ZNF516: variants seen among roughly 807,000 people sequenced by gnomAD.
The protein encoded by ZNF516 is zinc finger protein 516.
Under a neutral mutation model 79.7 loss-of-function variants are expected in ZNF516, and 19 were observed. That is an observed-to-expected ratio of 0.24 (90% CI 0.17 to 0.35). The LOEUF (loss-of-function observed/expected upper bound fraction) is 0.35, where lower values mean the gene tolerates loss of function less well. ZNF516 is among the 10% of genes least tolerant of loss of function. The pLI is 1.00. For missense variants in ZNF516, 1,678 were observed against 1,679.5 expected (o/e 1.00, Z 0.02); for synonymous variants, 877 against 739.5 (o/e 1.19, Z -3.02).
In ZNF516 at chr18:76,459,862, A is replaced by G. The variant is rs1033521455; in HGVS notation, c.-158+3166T>C. 1.3e-5 allele frequency among the ~76,000 whole-genome samples: 2 copies of G among 152,160 alleles called. No homozygotes were observed. Among genetic ancestry groups the G allele is most frequent in the Admixed American group, 6.5e-5 (1 of 15,276 alleles). ...GGCGATCCGGCAGGCACAAGAAGGA[A>G]CATACTGATGATAAGGAAACGCCGG... On this transcript the variant is annotated intron_variant, in intron 2 of 6. Coordinates refer to ENST00000443185, the MANE Select transcript of ZNF516 (RefSeq NM_014643.4). The surrounding 1 kb of genome is among the most constrained non-coding windows in gnomAD (Gnocchi z 5.0).
chr18:76,427,087 G>A (rs970127811), intron 3 of ZNF516, among the ~76,000 whole-genome samples: 2 of 152,328 alleles, frequency 1.3e-5, no homozygotes, highest in South Asian at 4.1e-4. Context: ...GAGAGAACGG[G>A]CACAATGCCG....
intron 3 of ZNF516, 34 bp from the exon 4 acceptor site, chr18:76,380,337 C>T (rs781283783): frequency 1.4e-5 from 23 of 1,599,394 alleles, no homozygotes; most frequent in Non-Finnish European, 2.0e-5. Context: ...GGGAAGTTAC[C>T]ATTTCTCATC....
chr18:76,463,536 T>G (rs1271824890), intron 1 of ZNF516, among the ~76,000 whole-genome samples: 3 of 152,256 alleles, frequency 2.0e-5, no homozygotes, highest in East Asian at 3.8e-4. Context: ...CTGCGCTTGG[T>G]GTGCGCATCA....
chr18:76,492,067 C>A (rs1486497956), intron 1 of ZNF516: 1 of 757,990 alleles, frequency 1.3e-6, no homozygotes, highest in Non-Finnish European at 1.6e-6. Context: ...CACACCCGCG[C>A]ATGGACGAGG....
intron 3 of ZNF516, among the ~76,000 whole-genome samples, chr18:76,408,062 G>T (rs1013947135): frequency 6.6e-6 from 1 of 152,172 alleles, no homozygotes; most frequent in Non-Finnish European, 1.5e-5. Flanking sequence ...GGACCAGAAG[G>T]CTTTTTCCCA....
intron 3 of ZNF516, among the ~76,000 whole-genome samples, chr18:76,428,843 G>A (rs979035591): frequency 2.0e-5 from 3 of 152,224 alleles, no homozygotes; most frequent in African/African-American, 7.2e-5. Context: ...ATGTGCAGGT[G>A]TTCACAAAAG....
At chr18:76,401,081 C>T (rs906406017) in intron 3 of ZNF516, among the ~76,000 whole-genome samples, 11 of 152,132 alleles carry the variant, frequency 7.2e-5, no homozygotes, top group African/African-American at 2.4e-4. Flanking sequence ...ACATCTTAAC[C>T]CATTTATGCC....
At chr18:76,431,573 G>A (rs571343195) in intron 3 of ZNF516, among the ~76,000 whole-genome samples, 4 of 152,292 alleles carry the variant, frequency 2.6e-5, no homozygotes, top group South Asian at 2.1e-4. Context: ...CCCGAGGGGC[G>A]GTGTCTGGGC....
chr18:76,486,492 T>C (rs1914840982), intron 1 of ZNF516, among the ~76,000 whole-genome samples: 1 of 152,144 alleles, frequency 6.6e-6, no homozygotes, highest in Non-Finnish European at 1.5e-5. Context: ...AACAAGAAAT[T>C]ATAGTTTTAA....
chr18:76,387,644 T>C (rs556726902), intron 3 of ZNF516: 2 of 152,386 alleles, frequency 1.3e-5, no homozygotes, highest in South Asian at 2.1e-4. Context: ...GAAGCATGCA[T>C]GGACTTGGTC....
chr18:76,491,136 G>A (rs1676919405), intron 1 of ZNF516: 1 of 977,300 alleles, frequency 1.0e-6, no homozygotes. Flanking sequence ...ACAAAGTGAA[G>A]TTTAAAATAG....
chr18:76,435,368 A>G (rs957399355), intron 3 of ZNF516, among the ~76,000 whole-genome samples: 1 of 152,264 alleles, frequency 6.6e-6, no homozygotes, highest in Non-Finnish European at 1.5e-5. Flanking sequence ...CATGCCATGC[A>G]TAGATTATCA....
chr18:76,413,690 G>A (rs2075398648), intron 3 of ZNF516, among the ~76,000 whole-genome samples: 1 of 152,146 alleles, frequency 6.6e-6, no homozygotes, highest in Non-Finnish European at 1.5e-5. Flanking sequence ...TTTATGCTAA[G>A]ATATATGTTT....
chr18:76,469,585 A>T (rs1156791411), intron 1 of ZNF516, among the ~76,000 whole-genome samples: 1 of 152,184 alleles, frequency 6.6e-6, no homozygotes, highest in Non-Finnish European at 1.5e-5. Context: ...TTTAGATTAA[A>T]GAAAGTATGG....
chr18:76,480,529 A>ATATATATATTT (rs374464151), intron 1 of ZNF516, among the ~76,000 whole-genome samples: 5 of 142,088 alleles, frequency 3.5e-5, no homozygotes, highest in South Asian at 4.5e-4. Context: ...ACACACATAT[A>ATATATATATTT]TTTTTTTTTT....
intron 1 of ZNF516, among the ~76,000 whole-genome samples, chr18:76,489,963 T>A (rs1425236991): frequency 6.6e-6 from 1 of 152,228 alleles, no homozygotes; most frequent in Non-Finnish European, 1.5e-5. Flanking sequence ...TTATTACAGA[T>A]CCACCGGGAT....
chr18:76,495,978 G>C (rs1184827032), upstream of ZNF516, among the ~76,000 whole-genome samples: 1 of 152,196 alleles, frequency 6.6e-6, no homozygotes, highest in Non-Finnish European at 1.5e-5. Context: ...TTTACCGGTA[G>C]CCTCGAAAGT....
At chr18:76,428,147 G>C (rs1283228009) in intron 3 of ZNF516, among the ~76,000 whole-genome samples, 4 of 152,090 alleles carry the variant, frequency 2.6e-5, no homozygotes, top group African/African-American at 9.7e-5. Context: ...AGCACTTTGG[G>C]AGGCCAAGGC....
intron 4 of ZNF516, among the ~76,000 whole-genome samples, chr18:76,374,990 C>G (rs948877166): frequency 1.3e-5 from 2 of 152,192 alleles, no homozygotes; most frequent in Non-Finnish European, 2.9e-5. Flanking sequence ...AAAAAAGAAA[C>G]AGCTGAACAG....
Sources: gnomAD v4.1 joint callset for allele counts (sites outside exome capture counted in the v4.1 genomes callset) on GRCh38, gnomAD v4.1.1 for gene constraint, Gnocchi (gnomAD v3.1) non-coding constraint, MANE v1.5 for transcripts, NCBI Gene and HGNC (gene_info 2026-07-23, HGNC 2026-07-21) for gene names.